Variants in LEKR1 observed in about 807,000 individuals in gnomAD.
The protein encoded by LEKR1 is leucine, glutamate and lysine rich 1.
In LEKR1, 59 loss-of-function variants were observed where a neutral mutation model predicts 72.4. That is an observed-to-expected ratio of 0.82 (90% confidence interval 0.66 to 1.01). LEKR1 has a LOEUF of 1.01. Among genes scored for constraint, LEKR1 ranks in the 50% least tolerant of loss-of-function variants. LEKR1 has a pLI of 0.00. For missense variants in LEKR1, 728 were observed against 759.2 expected (o/e 0.96, Z 0.48); for synonymous variants, 257 against 263.2 (o/e 0.98, Z 0.23).
At chr3:156,984,403 G>A (rs898317032) in intron 7 of LEKR1, among the ~76,000 whole-genome samples, 17 of 152,270 alleles carry the variant, frequency 1.1e-4, no homozygotes, top group African/African-American at 2.4e-5. Context: ...CTGGCCGGGC[G>A]CAGTGCCTCA....
chr3:156,932,723 A>AG (rs750721388), intron 5 of LEKR1, among the ~76,000 whole-genome samples: 12 of 142,626 alleles, frequency 8.4e-5, no homozygotes, highest in South Asian at 2.2e-4. Flanking sequence ...AAAAAAAAAA[A>AG]GGGTATCTAT....
At position 156,949,409 on chromosome 3, in the gene LEKR1, T is replaced by C. The variant is rs756526569; in HGVS notation, c.745+6695T>C. 2.6e-5 allele frequency among the ~76,000 whole-genome samples: 4 copies of C among 151,714 alleles called. No individual in the cohort carries two copies. The Admixed American group carries it at 2.6e-4, about 10-fold the overall frequency. ...AGCCAGTTATCCCAGCACCGTTTAC[T>C]GAATAGGGAGTCTTTTTCCATTGCT... is the stretch of plus-strand genomic sequence containing the variant. On this transcript the variant is annotated intron_variant, in intron 6 of 12. Transcript: ENST00000356539.
At chr3:156,828,469 T>TAACTCATGGTCCTCGG (rs6148152) in intron 1 of LEKR1, among the ~76,000 whole-genome samples, 30 of 152,008 alleles carry the variant, frequency 2.0e-4, no homozygotes, top group Admixed American at 1.8e-3. Flanking sequence ...CTCTTGTCTA[T>TAACTCATGGTCCTCGG]GCCTTCTTCC....
At chr3:156,850,077 T>C (rs903916091) in intron 2 of LEKR1, among the ~76,000 whole-genome samples, 15 of 150,764 alleles carry the variant, frequency 9.9e-5, no homozygotes, top group African/African-American at 2.7e-4. Context: ...AAACAAACAA[T>C]CCCATCAAAA....
chr3:156,983,259 G>A (rs1730393498), intron 7 of LEKR1, among the ~76,000 whole-genome samples: 1 of 152,160 alleles, frequency 6.6e-6, no homozygotes, highest in East Asian at 1.9e-4. Flanking sequence ...GAGCAATTGA[G>A]TGGTGATGCT....
At chr3:156,839,722 C>T (rs768730903) in intron 2 of LEKR1, among the ~76,000 whole-genome samples, 8 of 151,986 alleles carry the variant, frequency 5.3e-5, no homozygotes, top group Non-Finnish European at 8.8e-5. Context: ...CAAATTGATG[C>T]TAGATAATAT....
intron 9 of LEKR1, among the ~76,000 whole-genome samples, chr3:156,996,064 T>TG (rs1731535651): frequency 6.6e-6 from 1 of 152,114 alleles, no homozygotes; most frequent in Non-Finnish European, 1.5e-5. Context: ...TCAGCCAGTC[T>TG]GTCAATTATT....
chr3:156,897,342 G>A (rs931449776), intron 3 of LEKR1, among the ~76,000 whole-genome samples: 2 of 152,138 alleles, frequency 1.3e-5, no homozygotes, highest in Non-Finnish European at 2.9e-5. Context: ...GTAAGATTTT[G>A]AAGAGATTTA....
chr3:157,038,090 C>A (rs545294840), intron 12 of LEKR1, among the ~76,000 whole-genome samples: 2 of 152,252 alleles, frequency 1.3e-5, no homozygotes, highest in South Asian at 4.1e-4. Flanking sequence ...TTGACATGAT[C>A]TGACTTATTT....
chr3:157,023,739 A>G (rs1463362632), intron 10 of LEKR1, among the ~76,000 whole-genome samples: 2 of 152,160 alleles, frequency 1.3e-5, no homozygotes, highest in African/African-American at 4.8e-5. Flanking sequence ...ACTCAACTTC[A>G]TCTGCATCTA....
At chr3:156,961,328 T>G (rs1728113906) in intron 6 of LEKR1, among the ~76,000 whole-genome samples, 1 of 152,164 alleles carries the variant, frequency 6.6e-6, no homozygotes, top group African/African-American at 2.4e-5. Context: ...ATTCAGTGGT[T>G]TTTAGGATAT....
Position 157,024,751 on chromosome 3 carries a change from C to T in LEKR1, c.1204-9C>T. 2 of 1,591,926 alleles carry T rather than the reference C, an allele frequency of 1.3e-6. No homozygotes were observed. The highest frequency in any genetic ancestry group is 1.7e-6 in the Non-Finnish European group (2 of 1,173,036). ...ATAGTTTTACATGTGCTTTAAATGC[C>T]ATTTCTAGATTGAAGCAGAACTTGC... On this transcript the variant is annotated splice_polypyrimidine_tract_variant and intron_variant, in intron 10 of 12. Coordinates refer to ENST00000356539, the MANE Select transcript of LEKR1 (RefSeq NM_001004316.3).
At chr3:156,986,299 C>T (rs991411209) in intron 7 of LEKR1, among the ~76,000 whole-genome samples, 1 of 152,100 alleles carries the variant, frequency 6.6e-6, no homozygotes, top group South Asian at 2.1e-4. Flanking sequence ...GGGGAGAATT[C>T]TAAGAGAGTA....
intron 3 of LEKR1, among the ~76,000 whole-genome samples, chr3:156,867,882 G>A (rs1283430217): frequency 6.6e-6 from 1 of 152,026 alleles, no homozygotes; most frequent in African/African-American, 2.4e-5. Flanking sequence ...ATGAAGCCAA[G>A]ATTTTTATAC....
In LEKR1 at chr3:156,915,216, C is replaced by T. The variant is rs764693222; in HGVS notation, c.264-5359C>T. 1.1e-4 allele frequency among the ~76,000 whole-genome samples: 17 copies of T among 152,088 alleles called. 1 individual carries two copies. The highest frequency in any genetic ancestry group is 6.8e-3 in the Middle Eastern group (2 of 294). ...TGTGAATAGTGCTGCAGTGAACATA[C>T]GCATGCAAATGTCTTTATGGTAGAA... On this transcript the variant is annotated intron_variant, in intron 3 of 12. Transcript: ENST00000356539.
At chr3:156,847,610 C>T (rs1234461353) in intron 2 of LEKR1, among the ~76,000 whole-genome samples, 1 of 152,148 alleles carries the variant, frequency 6.6e-6, no homozygotes, top group Non-Finnish European at 1.5e-5. Context: ...CATATAGGCA[C>T]TAATAATTTG....
intron 3 of LEKR1, among the ~76,000 whole-genome samples, chr3:156,904,600 A>C (rs1412836126): frequency 6.6e-6 from 1 of 151,366 alleles, no homozygotes; most frequent in Non-Finnish European, 1.5e-5. Context: ...ACTGGACTGC[A>C]GACACGCCAC....
chr3:156,991,428 T>C (rs950984339), intron 7 of LEKR1, among the ~76,000 whole-genome samples: 1 of 152,144 alleles, frequency 6.6e-6, no homozygotes, highest in African/African-American at 2.4e-5. Flanking sequence ...GTTTTTACAT[T>C]ATTACTAGAA....
rs531023774 is a variant in LEKR1, at chr3:156,955,414, G to A, written c.745+12700G>A. 3.0e-3 allele frequency among the ~76,000 whole-genome samples: 462 copies of A among 151,990 alleles called. 6 individuals are homozygous for A. The highest frequency in any genetic ancestry group is 0.011 in the African/African-American group (437 of 41,496). On this transcript the variant is annotated intron_variant, in intron 6 of 12. Transcript: ENST00000356539. ...AGGAGTGGTGAGAAAGGGCATCTTT[G>A]TTTATGCCAGTTTTCCAGGGAAATA...
Sources: gnomAD v4.1 joint callset for allele counts (sites outside exome capture counted in the v4.1 genomes callset) on GRCh38, gnomAD v4.1.1 for gene constraint, MANE v1.5 for transcripts, NCBI Gene and HGNC (gene_info 2026-07-23, HGNC 2026-07-21) for gene names.